The following FYN variants were observed in gnomAD, a reference collection of about 807,000 sequenced individuals.
FYN encodes tyrosine-protein kinase Fyn.
FYN carries 10 observed loss-of-function variants against 70.2 expected under a neutral mutation model. The observed-to-expected ratio is 0.14, with a 90% CI of 0.09 to 0.24. FYN has a LOEUF of 0.24. Ranked by LOEUF, FYN falls within the 10% of genes least tolerant of loss-of-function variation. The pLI is 1.00. For synonymous variants in FYN, 236 were observed against 248.6 expected, an observed-to-expected ratio of 0.95 and a Z score of 0.48; for missense variants, 319 against 673.1, an observed-to-expected ratio of 0.47 and a Z score of 5.82.
In FYN at chr6:111,694,239, G is replaced by T; in HGVS notation, c.1273+136C>A. 1 of 1,101,500 alleles carries T rather than the reference G, an allele frequency of 9.1e-7. No individual in the cohort carries two copies. The allele number at this position is 1,101,500 out of a possible 1,614,324, so 68.2% of individuals were successfully genotyped here. ...AGCTGTCAAATTCCTGCCAGATCAA[G>T]GTGTCCAAACCAAGCTGAAGAATGA... is the stretch of plus-strand genomic sequence containing the variant. On this transcript the variant is annotated intron_variant, in intron 12 of 13. Transcript: ENST00000354650. This position sits in a 1 kb window ranked among gnomAD's most constrained non-coding sequence, Gnocchi z 5.0.
At chr6:111,832,160 G>C (rs1399761522) in intron 2 of FYN, among the ~76,000 whole-genome samples, 1 of 152,122 alleles carries the variant, frequency 6.6e-6, no homozygotes, top group Non-Finnish European at 1.5e-5. Flanking sequence ...AACTGATAAG[G>C]GATACAAAAC....
intron 3 of FYN, among the ~76,000 whole-genome samples, chr6:111,779,121 ATTTTTTTTTT>A (rs397934539): frequency 2.2e-5 from 2 of 91,494 alleles, no homozygotes; most frequent in African/African-American, 8.5e-5. Context: ...AGTAGGAGAC[ATTTTTTTTTT>A]TTTTTTTTTT....
chr6:111,668,676 C>T (rs1214625415), intron 13 of FYN, among the ~76,000 whole-genome samples: 1 of 152,088 alleles, frequency 6.6e-6, no homozygotes, highest in Non-Finnish European at 1.5e-5. Context: ...CTCCTCCTCT[C>T]ACTAGACATG....
chr6:111,852,639 A>G (rs1773715128), intron 1 of FYN, among the ~76,000 whole-genome samples: 1 of 152,240 alleles, frequency 6.6e-6, no homozygotes, highest in African/African-American at 2.4e-5. Flanking sequence ...TGTCAGAAAA[A>G]TACGAGACTG....
At chr6:111,740,163 T>G (rs1383941711) in intron 3 of FYN, among the ~76,000 whole-genome samples, 2 of 152,142 alleles carry the variant, frequency 1.3e-5, no homozygotes, top group Non-Finnish European at 2.9e-5. Context: ...AAATGCTCAG[T>G]TAAATAAATA....
intron 3 of FYN, among the ~76,000 whole-genome samples, chr6:111,776,176 A>G (rs564855860): frequency 6.6e-6 from 1 of 152,308 alleles, no homozygotes; most frequent in South Asian, 2.1e-4. Flanking sequence ...ACAGTCTTAA[A>G]GAACAAAAGT....
At chr6:111,847,524 T>C (rs1472123725) in intron 1 of FYN, among the ~76,000 whole-genome samples, 1 of 152,166 alleles carries the variant, frequency 6.6e-6, no homozygotes, top group Admixed American at 6.5e-5. Flanking sequence ...TTAAGAAATA[T>C]GAAAAAAGGC....
intron 3 of FYN, among the ~76,000 whole-genome samples, chr6:111,740,376 CA>C (rs1801906769): frequency 6.6e-6 from 1 of 152,098 alleles, no homozygotes; most frequent in Non-Finnish European, 1.5e-5. Flanking sequence ...GGTATCATAC[CA>C]GATTCCTATG....
intron 3 of FYN, among the ~76,000 whole-genome samples, chr6:111,751,995 A>G (rs1802510875): frequency 6.6e-6 from 1 of 152,234 alleles, no homozygotes. Context: ...ATTCCTAAGC[A>G]TGTAAATCAA....
Position 111,821,342 on chromosome 6 carries a change from C to T in FYN, c.-82+25247G>A, listed in dbSNP as rs192502439. On this transcript the variant is annotated intron_variant, in intron 2 of 13. Coordinates refer to ENST00000354650, the MANE Select transcript of FYN (RefSeq NM_002037.5). ...AGAAATAATACCACACATCTACAAC[C>T]ATCTGATCTTTGACAAACCTGACAA... 5.4e-4 allele frequency among the ~76,000 whole-genome samples: 82 copies of T among 152,202 alleles called. 2 individuals carry two copies. The East Asian group carries it at 0.011, about 20-fold the overall frequency.
At chr6:111,736,433 G>A (rs1352927169) in intron 3 of FYN, among the ~76,000 whole-genome samples, 4 of 152,042 alleles carry the variant, frequency 2.6e-5, no homozygotes, top group Admixed American at 6.6e-5. Context: ...GTCATCAATC[G>A]GCAGCTCTGG....
At chr6:111,699,695 A>G (rs1450660355) in intron 9 of FYN, 1 of 1,604,950 alleles carries the variant, frequency 6.2e-7, no homozygotes. Flanking sequence ...ATTAATAAAG[A>G]AAACACAGTC....
intron 3 of FYN, among the ~76,000 whole-genome samples, chr6:111,779,121 ATTT>A (rs397934539): frequency 9.8e-5 from 9 of 91,518 alleles, no homozygotes; most frequent in Admixed American, 1.4e-4. Context: ...AGTAGGAGAC[ATTT>A]TTTTTTTTTT....
chr6:111,683,783 G>A (rs1798875037), intron 12 of FYN, among the ~76,000 whole-genome samples: 1 of 151,972 alleles, frequency 6.6e-6, no homozygotes, highest in Non-Finnish European at 1.5e-5. Flanking sequence ...ACAGGAGGGG[G>A]AGGTGACAAG....
rs1277910220 is a variant in FYN, at chr6:111,700,207, A to G, written c.759T>C (p.Leu253=). The G allele has an allele frequency of 6.2e-7, 1 of 1,614,150 alleles. No homozygotes were observed. Among genetic ancestry groups the G allele is most frequent in the South Asian group, 1.1e-5 (1 of 91,082 alleles). The change falls in exon 9 of 14, where the codon CTT becomes CTC. Residue 253 remains leucine, a synonymous_variant. Transcript: ENST00000354650. ...CTTTGGTTTTGACAGACAGATCGGTAAGCCTTGGCATCCCTTTGTGACAGG... is the reference window on the plus strand; with the variant it reads ...CTTTGGTTTTGACAGACAGATCGGTGAGCCTTGGCATCCCTTTGTGACAGG... The part of the protein sequence containing the change: ...VVPCHKGMPR[L]TDLSVKTKDV...
At chr6:111,689,218 C>T (rs1016000618) in intron 12 of FYN, among the ~76,000 whole-genome samples, 1 of 152,158 alleles carries the variant, frequency 6.6e-6, no homozygotes, top group African/African-American at 2.4e-5. Context: ...AGTAACTGGC[C>T]TGCGGACACC....
intron 12 of FYN, among the ~76,000 whole-genome samples, chr6:111,680,690 T>C (rs900043587): frequency 1.3e-5 from 2 of 152,224 alleles, no homozygotes; most frequent in Non-Finnish European, 1.5e-5. Context: ...GATGCTTCCA[T>C]TGTCACTTCT....
intron 2 of FYN, among the ~76,000 whole-genome samples, chr6:111,834,486 T>C (rs192001636): frequency 2.0e-5 from 3 of 152,310 alleles, no homozygotes; most frequent in Non-Finnish European, 4.4e-5. Flanking sequence ...TTGCTCCTTC[T>C]GCCTCCCAGC....
At chr6:111,871,019 A>C (rs191205989) in intron 1 of FYN, among the ~76,000 whole-genome samples, 117 of 152,298 alleles carry the variant, frequency 7.7e-4, no homozygotes, top group Non-Finnish European at 1.3e-3. Flanking sequence ...TATTTAATGA[A>C]TCATAACTCT....
Sources: allele counts gnomAD v4.1 joint callset (sites outside exome capture counted in the v4.1 genomes callset), GRCh38; gene constraint gnomAD v4.1.1; non-coding constraint Gnocchi (gnomAD v3.1); transcripts MANE v1.5; gene names NCBI Gene and HGNC (gene_info 2026-07-23, HGNC 2026-07-21).